The following N4BP2 variants were observed in gnomAD, a reference collection of about 807,000 sequenced individuals.
The protein encoded by N4BP2 is NEDD4-binding protein 2.
N4BP2 carries 91 observed loss-of-function variants against 152.8 expected under a neutral mutation model. That is an observed-to-expected ratio of 0.60 (90% confidence interval 0.50 to 0.71). The LOEUF (loss-of-function observed/expected upper bound fraction) is 0.71. Among genes scored for constraint, N4BP2 ranks in the 30% least tolerant of loss-of-function variants. The pLI is 0.00. For missense variants in N4BP2, 1,923 were observed against 2,059.1 expected (o/e 0.93, Z 1.28); for synonymous variants, 646 against 705.3 (o/e 0.92, Z 1.33).
At chr4:40,116,499 G>A (rs573558305) in intron 7 of N4BP2, among the ~76,000 whole-genome samples, 2 of 151,934 alleles carry the variant, frequency 1.3e-5, no homozygotes, top group Admixed American at 6.6e-5. Context: ...TGGAAATTGT[G>A]CAGACTTTAA....
chr4:40,114,585 A>T (rs1192457002), intron 7 of N4BP2, among the ~76,000 whole-genome samples: 1 of 152,134 alleles, frequency 6.6e-6, no homozygotes, highest in Non-Finnish European at 1.5e-5. Flanking sequence ...TTGATAGATT[A>T]CTGAGTTTGG....
rs527239458 is a variant in N4BP2, at chr4:40,096,962, T to A, written c.-114-265T>A. The stretch of plus-strand genomic sequence containing the variant: ...GTTCAGTACGCATTCTAATTATATT[T>A]ATGAAGACTTTCGTGTTTTTAAAAA... On this transcript the variant is annotated intron_variant, in intron 2 of 17. Transcript: ENST00000261435. Among the ~76,000 whole-genome samples, 8 of 152,330 alleles carry A rather than the reference T, an allele frequency of 5.3e-5. No homozygotes were observed. In the East Asian group the frequency reaches 1.5e-3, roughly 29 times the overall value.
Position 40,136,812 on chromosome 4 carries a change from T to G in N4BP2, c.4647-132T>G, listed in dbSNP as rs1419018093. The G allele has an allele frequency of 2.4e-5, 15 of 617,368 alleles. No homozygotes were observed. In the East Asian group the frequency reaches 4.2e-4, roughly 17 times the overall value. 38.2% of individuals were successfully genotyped at this position (617,368 alleles called of 1,614,324 possible). ...TTGAGATACACCATGAGCATTTAAT[T>G]TCAAGGTTGAAAACTTAAAAGTAAG... is the stretch of plus-strand genomic sequence containing the variant. On this transcript the variant is annotated intron_variant, in intron 13 of 17. Coordinates refer to ENST00000261435, the MANE Select transcript of N4BP2 (RefSeq NM_018177.6).
chr4:40,174,758 C>T, the N4BP2 span, among the ~76,000 whole-genome samples: 11 of 152,124 alleles, frequency 7.2e-5, no homozygotes, highest in South Asian at 1.0e-3. Context: ...GCCGAGATCG[C>T]GCCACTGCAC....
intron 3 of N4BP2, among the ~76,000 whole-genome samples, chr4:40,098,068 A>G (rs1460098858): frequency 6.6e-6 from 1 of 152,200 alleles, no homozygotes; most frequent in East Asian, 1.9e-4. Flanking sequence ...AAGCTCCATA[A>G]AGACAGAGTT....
At chr4:40,104,647 G>A (rs1426430436) in intron 4 of N4BP2, among the ~76,000 whole-genome samples, 1 of 152,186 alleles carries the variant, frequency 6.6e-6, no homozygotes, top group African/African-American at 2.4e-5. Context: ...GTTGAGCTGT[G>A]AGACAAGTTT....
At position 40,144,708 on chromosome 4, in the gene N4BP2, C is replaced by T. The variant is rs761930055; in HGVS notation, c.5051C>T (p.Ser1684Leu). Residue 1684 changes from serine to leucine, a missense_variant, in exon 16 of 18, where the codon TCG becomes TTG. Coordinates refer to ENST00000261435, the MANE Select transcript of N4BP2 (RefSeq NM_018177.6). ...GAGATCTTTGAGAAAGTCAATGCTTCGCTGCTGCCACAGAATGTTTTAGAC... is the reference window on the plus strand; with the variant it reads ...GAGATCTTTGAGAAAGTCAATGCTTTGCTGCTGCCACAGAATGTTTTAGAC... ...AIEIFEKVNASLLPQNVLDLH... is the reference protein window; with the variant it reads ...AIEIFEKVNALLLPQNVLDLH... The T allele has an allele frequency of 1.2e-5, 19 of 1,613,962 alleles. No homozygotes were observed. Among genetic ancestry groups the T allele is most frequent in the African/African-American group, 8.0e-5 (6 of 75,038 alleles).
chr4:40,125,533 C>G (rs891703813), intron 11 of N4BP2, among the ~76,000 whole-genome samples: 5 of 152,140 alleles, frequency 3.3e-5, no homozygotes, highest in African/African-American at 1.2e-4. Context: ...ATACATGTCA[C>G]TATGTTTTGG....
downstream of N4BP2, among the ~76,000 whole-genome samples, chr4:40,159,667 G>T (rs551259402): frequency 5.3e-5 from 8 of 152,142 alleles, no homozygotes; most frequent in Non-Finnish European, 1.2e-4. Flanking sequence ...ATCTAGCTGC[G>T]AGGGAGGCTG....
intron 2 of N4BP2, chr4:40,083,112 G>A (rs571077985): frequency 2.9e-4 from 48 of 164,532 alleles, no homozygotes; most frequent in Middle Eastern, 2.8e-3. Context: ...GTTGGGGGGC[G>A]GTGCAGACAT....
chr4:40,123,282 T>C, intron 10 of N4BP2, 70 bp downstream of exon 10: 1 of 1,030,386 alleles, frequency 9.7e-7, no homozygotes. Flanking sequence ...CAGTGAAATC[T>C]ACCACATAAT....
At chr4:40,128,616 C>T (rs554637718) in intron 12 of N4BP2, among the ~76,000 whole-genome samples, 1 of 151,860 alleles carries the variant, frequency 6.6e-6, no homozygotes, top group East Asian at 1.9e-4. Context: ...CAACCTCCAC[C>T]TCCTGGGTTC....
chr4:40,146,184 T>TAAATA (rs914083371), intron 16 of N4BP2, among the ~76,000 whole-genome samples: 13 of 151,644 alleles, frequency 8.6e-5, no homozygotes, highest in Admixed American at 2.6e-4. Context: ...AATAAATAAA[T>TAAATA]AAATAAAATA....
chr4:40,135,790 C>T (rs1191660022), intron 13 of N4BP2, among the ~76,000 whole-genome samples: 2 of 152,174 alleles, frequency 1.3e-5, no homozygotes, highest in African/African-American at 4.8e-5. Flanking sequence ...TGATCTTGAA[C>T]TCCTGACCTC....
chr4:40,081,051 GA>G (rs930680870), intron 2 of N4BP2, among the ~76,000 whole-genome samples: 9 of 151,212 alleles, frequency 6.0e-5, no homozygotes, highest in Admixed American at 3.3e-4. Context: ...TAGACACAGT[GA>G]AAAAAAGGGA....
At chr4:40,106,571 T>C (rs187508709) in intron 4 of N4BP2, among the ~76,000 whole-genome samples, 258 of 152,280 alleles carry the variant, frequency 1.7e-3, no homozygotes, top group African/African-American at 5.8e-3. Flanking sequence ...TTTTTTGAGA[T>C]ACAGTCTTGC....
intron 15 of N4BP2, among the ~76,000 whole-genome samples, chr4:40,143,078 T>A (rs1364096994): frequency 6.6e-6 from 1 of 152,202 alleles, no homozygotes; most frequent in African/African-American, 2.4e-5. Context: ...CTGTGGTTGC[T>A]TTTGCATTTA....
At chr4:40,130,331 G>A (rs1405122843) in intron 12 of N4BP2, among the ~76,000 whole-genome samples, 4 of 152,098 alleles carry the variant, frequency 2.6e-5, no homozygotes, top group African/African-American at 9.7e-5. Context: ...CACCCAGCCA[G>A]AAATATTTTA....
Position 40,126,367 on chromosome 4 carries a change from A to G in N4BP2, c.4527+37A>G, listed in dbSNP as rs777946275. The G allele has an allele frequency of 6.3e-5, 65 of 1,038,638 alleles. No homozygotes were observed. The South Asian group carries it at 1.2e-3, about 19-fold the overall frequency. 64.3% of individuals were successfully genotyped at this position (1,038,638 alleles called of 1,614,324 possible). On this transcript the variant is annotated intron_variant, in intron 12 of 17. Transcript: ENST00000261435. ...TATAAATATTAAGCTACTGTCTCTG[A>G]TTCTGGTTTATTGTGTATGTTTACT...
Sources: gnomAD v4.1 joint callset for allele counts (sites outside exome capture counted in the v4.1 genomes callset) on GRCh38, gnomAD v4.1.1 for gene constraint, MANE v1.5 for transcripts, NCBI Gene and HGNC (gene_info 2026-07-23, HGNC 2026-07-21) for gene names.